The following MAPK15 variants were observed in gnomAD, a reference collection of about 807,000 sequenced individuals.
MAPK15 encodes ERK-7.
Under a neutral mutation model 60.8 loss-of-function variants are expected in MAPK15, and 61 were observed. The ratio of observed to expected loss-of-function variants is 1.00; its 90% confidence interval spans 0.82 to 1.24. MAPK15 has a LOEUF of 1.24. Among genes scored for constraint, MAPK15 ranks in the 50% most tolerant of loss-of-function variants. The pLI, the probability that MAPK15 is intolerant of heterozygous loss-of-function variation, is 0.00. For synonymous variants in MAPK15, 356 were observed against 319.9 expected (o/e 1.11, Z -1.21); for missense variants, 808 against 741.1 (o/e 1.09, Z -1.05).
At chr8:143,716,885 G>A (rs1817832228) in intron 1 of MAPK15, among the ~76,000 whole-genome samples, 1 of 152,116 alleles carries the variant, frequency 6.6e-6, no homozygotes, top group South Asian at 2.1e-4. Flanking sequence ...GAAGGGCAGA[G>A]CCTTGTGTAT....
At position 143,722,103 on chromosome 8, in the gene MAPK15, G is replaced by T. The variant is rs199510165; in HGVS notation, c.1487G>T (p.Arg496Leu). The change falls in exon 14 of 14, where the codon CGG becomes CTG. Residue 496 changes from arginine to leucine, a missense_variant. Coordinates refer to ENST00000338033, the MANE Select transcript of MAPK15 (RefSeq NM_139021.3). ...QVPPRLPPEA[R>L]PGRRMFSTSA... ...CCTCCCCGGCTTCCTCCGGAGGCCC[G>T]GCCCGGCCGGAGGATGTTCAGCACC... 16 of 1,612,194 alleles carry T rather than the reference G, an allele frequency of 9.9e-6. No homozygotes were observed. In the African/African-American group the frequency reaches 2.0e-4, roughly 20 times the overall value.
Position 143,720,374 on chromosome 8 carries a change from T to C in MAPK15, c.779+87T>C, listed in dbSNP as rs568187070. Reference sequence around the variant, plus strand: ...TTCCTGCAAGTTTACTGGGGCCAGTTTGTACCAGTTCAGATTCTGCCTGTT... The same window carrying C: ...TTCCTGCAAGTTTACTGGGGCCAGTCTGTACCAGTTCAGATTCTGCCTGTT... On this transcript the variant is annotated intron_variant, in intron 8 of 13. Coordinates refer to ENST00000338033, the MANE Select transcript of MAPK15 (RefSeq NM_139021.3). This position sits in a 1 kb window ranked among gnomAD's most constrained non-coding sequence, Gnocchi z 4.6. The C allele has an allele frequency of 6.8e-7, 1 of 1,466,882 alleles. No homozygotes were observed. The highest frequency in any genetic ancestry group is 1.4e-5 in the South Asian group (1 of 70,254). 90.9% of individuals were successfully genotyped at this position (1,466,882 alleles called of 1,614,324 possible).
In MAPK15 at chr8:143,721,395, T is replaced by C. The variant is rs542636144; in HGVS notation, c.1188T>C (p.His396=). The C allele has an allele frequency of 1.9e-6, 3 of 1,611,886 alleles. No homozygotes were observed. The highest frequency in any genetic ancestry group is 1.1e-5 in the South Asian group (1 of 90,880). ...PRPRPQSSPG[H]DPAEHESPRA... Reference sequence around the variant, plus strand: ...CCAGGCCCCAGAGCAGCCCAGGCCATGACCCTGCCGAGCACGGTGTGTGAT... The same window carrying C: ...CCAGGCCCCAGAGCAGCCCAGGCCACGACCCTGCCGAGCACGGTGTGTGAT... Residue 396 remains histidine, a synonymous_variant, in exon 11 of 14, where the codon CAT becomes CAC. Coordinates refer to ENST00000338033, the MANE Select transcript of MAPK15 (RefSeq NM_139021.3).
Position 143,721,751 on chromosome 8 carries a change from G to C in MAPK15, c.1330-1G>C, listed in dbSNP as rs375887870. 1 of 1,613,470 alleles carries C rather than the reference G, an allele frequency of 6.2e-7. No individual in the cohort carries two copies. Among genetic ancestry groups the C allele is most frequent in the African/African-American group, 1.3e-5 (1 of 74,912 alleles). The stretch of plus-strand genomic sequence containing the variant: ...TGACCCTGTGACATGGCCCTTCCCA[G>C]GTGAAGCCAAGCGGGAGGGGAGCTG... On this transcript the variant is annotated splice_acceptor_variant, in intron 12 of 13. Transcript: ENST00000338033. LOFTEE classifies it high-confidence loss of function.
intron 1 of MAPK15, among the ~76,000 whole-genome samples, chr8:143,717,225 G>A (rs957494205): frequency 3.9e-5 from 6 of 152,278 alleles, no homozygotes; most frequent in African/African-American, 1.2e-4. Flanking sequence ...GCACGGGAGC[G>A]GCAGACGGAG....
intron 1 of MAPK15, 71 bp downstream of exon 1, chr8:143,716,514 C>T (rs1817816374): frequency 3.5e-6 from 5 of 1,441,936 alleles, no homozygotes; most frequent in Admixed American, 2.3e-5. Flanking sequence ...CTGCGGGGCG[C>T]GGCCGGTCCC....
chr8:143,718,892 A>G lies in MAPK15; in HGVS notation c.404A>G (p.His135Arg). 1.2e-6 allele frequency: 2 copies of G among 1,607,702 alleles called. No homozygotes were observed. Among genetic ancestry groups the G allele is most frequent in the South Asian group, 1.1e-5 (1 of 90,408 alleles). ...TRFLHSGHVV[H>R]RDQKPSNVLL... ...TTCCTCCACTCGGGGCACGTTGTGC[A>G]CCGGGACCAGAAGGTGCGGTTCCCC... is the stretch of plus-strand genomic sequence containing the variant. The change falls in exon 5 of 14, where the codon CAC (histidine) becomes CGC (arginine). Residue 135 changes from histidine to arginine, a missense_variant. His to Arg is a conservative substitution (Grantham distance 29). Transcript: ENST00000338033.
intron 7 of MAPK15, among the ~76,000 whole-genome samples, chr8:143,719,733 G>A (rs72693331): frequency 2.9e-3 from 441 of 152,300 alleles, no homozygotes; most frequent in Non-Finnish European, 4.8e-3. Context: ...ACCGTGAAGG[G>A]GCCAGCAGGC....
intron 1 of MAPK15, among the ~76,000 whole-genome samples, chr8:143,716,770 C>A (rs540919082): frequency 6.6e-6 from 1 of 152,342 alleles, no homozygotes; most frequent in East Asian, 1.9e-4. Context: ...TCTGGGGAGG[C>A]TGGGCCCGCG....
intron 13 of MAPK15, 22 bp downstream of exon 13, chr8:143,721,902 C>G: frequency 6.5e-7 from 1 of 1,549,268 alleles, no homozygotes; most frequent in African/African-American, 1.4e-5. Flanking sequence ...CCAGTCTGCC[C>G]CCGTCCCCTC....
chr8:143,721,941 C>T, intron 13 of MAPK15, 61 bp downstream of exon 13: 1 of 1,521,196 alleles, frequency 6.6e-7, no homozygotes, highest in Non-Finnish European at 8.8e-7. Context: ...CCCTTCCCCC[C>T]TGCTTTTCCC....
chr8:143,722,107 C>T lies in MAPK15; in HGVS notation c.1491C>T (p.Pro497=), dbSNP rs553594616. ...CCCGGCTTCCTCCGGAGGCCCGGCCCGGCCGGAGGATGTTCAGCACCTCTG... is the reference window on the plus strand; with the variant it reads ...CCCGGCTTCCTCCGGAGGCCCGGCCTGGCCGGAGGATGTTCAGCACCTCTG... The part of the protein sequence containing the change: ...VPPRLPPEAR[P]GRRMFSTSAL... Residue 497 remains proline (P), a synonymous_variant, in exon 14 of 14, where the codon CCC becomes CCT. Transcript: ENST00000338033. 3.3e-5 allele frequency: 54 copies of T among 1,612,452 alleles called. 1 individual carries two copies. Among genetic ancestry groups the T allele is most frequent in the South Asian group, 2.6e-4 (24 of 91,036 alleles).
In MAPK15 at chr8:143,717,691, C is replaced by T. The variant is rs1554618622; in HGVS notation, c.67-3C>T. ...GGCCCTGTGTGACGGCACTCCTTCC[C>T]AGGCCTATGGCATTGTGTGGAAGGC... is the stretch of plus-strand genomic sequence containing the variant. On this transcript the variant is annotated splice_region_variant and splice_polypyrimidine_tract_variant and intron_variant, in intron 1 of 13. Transcript: ENST00000338033. The T allele has an allele frequency of 1.2e-6, 2 of 1,601,096 alleles. No homozygotes were observed. Among genetic ancestry groups the T allele is most frequent in the Non-Finnish European group, 1.7e-6 (2 of 1,174,564 alleles).
In MAPK15 at chr8:143,720,595, G is replaced by T. The variant is rs782808145; in HGVS notation, c.780-108G>T. 4 of 1,509,866 alleles carry T rather than the reference G, an allele frequency of 2.6e-6. No homozygotes were observed. In the South Asian group the frequency reaches 5.2e-5, roughly 20 times the overall value. The allele number at this position is 1,509,866 out of a possible 1,614,324, so 93.5% of individuals were successfully genotyped here. On this transcript the variant is annotated intron_variant, in intron 8 of 13. Coordinates refer to ENST00000338033, the MANE Select transcript of MAPK15 (RefSeq NM_139021.3). The surrounding 1 kb of genome is among the most constrained non-coding windows in gnomAD (Gnocchi z 4.6). ...AGGCACAGGGGCATCTACCTAGACA[G>T]GACAGCAGGGTGGACCCCAGTTTGG...
rs782207173 is a variant in MAPK15 at position 143,720,727 on chromosome 8, C to T, written c.804C>T (p.Leu268=). The part of the protein sequence containing the change: ...GSRPRQTLDA[L]LPPDTSPEAL... The stretch of plus-strand genomic sequence containing the variant: ...GGCCACGACAGACGCTGGATGCCCT[C>T]CTACCGCCAGACACCTCCCCAGAGG... The change falls in exon 9 of 14, where the codon CTC becomes CTT. Residue 268 remains leucine, a synonymous_variant. Transcript: ENST00000338033. The surrounding 1 kb of genome is among the most constrained non-coding windows in gnomAD (Gnocchi z 4.6). 1.9e-6 allele frequency: 3 copies of T among 1,612,904 alleles called. No individual in the cohort carries two copies. Among genetic ancestry groups the T allele is most frequent in the East Asian group, 2.2e-5 (1 of 44,834 alleles).
Position 143,719,423 on chromosome 8 carries a change from C to T in MAPK15, c.662C>T (p.Thr221Met), listed in dbSNP as rs60732298. 6.8e-6 allele frequency: 11 copies of T among 1,610,776 alleles called. No homozygotes were observed. The highest frequency in any genetic ancestry group is 3.4e-5 in the Admixed American group (2 of 59,448). The change falls in exon 7 of 14, where the codon ACG becomes ATG. Residue 221 changes from threonine to methionine, a missense_variant. Coordinates refer to ENST00000338033, the MANE Select transcript of MAPK15 (RefSeq NM_139021.3). Reference sequence around the variant, plus strand: ...CGGGGGAGACCCCTGTTCCCCGGCACGTCCACCCTCCACCAGCTGGAGCTG... The same window carrying T: ...CGGGGGAGACCCCTGTTCCCCGGCATGTCCACCCTCCACCAGCTGGAGCTG... ...MLRGRPLFPGTSTLHQLELIL... is the reference protein window; with the variant it reads ...MLRGRPLFPGMSTLHQLELIL...
At position 143,721,686 on chromosome 8, in the gene MAPK15, G is replaced by A; in HGVS notation, c.1329+13G>A. 1.2e-6 allele frequency: 2 copies of A among 1,610,274 alleles called. No homozygotes were observed. Among genetic ancestry groups the A allele is most frequent in the East Asian group, 4.5e-5 (2 of 44,836 alleles). Reference sequence around the variant, plus strand: ...GACACTCTCGCTGGTAAGTCATGGTGGGGCGGGCACAGGAGGGACCCCTCC... The same window carrying A: ...GACACTCTCGCTGGTAAGTCATGGTAGGGCGGGCACAGGAGGGACCCCTCC... On this transcript the variant is annotated intron_variant, in intron 12 of 13. Coordinates refer to ENST00000338033, the MANE Select transcript of MAPK15 (RefSeq NM_139021.3).
Position 143,721,935 on chromosome 8 carries a change from TC to T in MAPK15, c.1458+61del, listed in dbSNP as rs1563753000. On this transcript the variant is annotated intron_variant, in intron 13 of 13. Transcript: ENST00000338033. Reference sequence around the variant, plus strand: ...CTCATCCTCCTTTCCCCTTTCCCCTTCCCCCCTGCTTTTCCCTCCCTTCCCC... The same window carrying T: ...CTCATCCTCCTTTCCCCTTTCCCCTTCCCCCTGCTTTTCCCTCCCTTCCCC... 30 of 1,498,656 alleles carry T rather than the reference TC, an allele frequency of 2.0e-5. No individual in the cohort carries two copies. The South Asian group carries it at 2.9e-4, about 15-fold the overall frequency. 92.8% of individuals were successfully genotyped at this position (1,498,656 alleles called of 1,614,324 possible). A position where few individuals can be genotyped will look rare whatever the true frequency, so the allele number is the denominator to read the frequency against.
Position 143,721,284 on chromosome 8 carries a change from G to A in MAPK15, c.1077G>A (p.Glu359=), listed in dbSNP as rs1554619763. ...GCACCTCGAGAGAGAAGGGCCCGGA[G>A]GGTGTCTCCCCAAGCCAGGCACACC... ...SSGTSREKGP[E]GVSPSQAHLH... is the part of the protein sequence containing the mutation. The change falls in exon 11 of 14, where the codon GAG becomes GAA. Residue 359 remains glutamate, a synonymous_variant. Coordinates refer to ENST00000338033, the MANE Select transcript of MAPK15 (RefSeq NM_139021.3). 2 of 1,613,594 alleles carry A rather than the reference G, an allele frequency of 1.2e-6. No homozygotes were observed. Among genetic ancestry groups the A allele is most frequent in the Non-Finnish European group, 1.7e-6 (2 of 1,179,916 alleles).
Sources: allele counts gnomAD v4.1 joint callset (sites outside exome capture counted in the v4.1 genomes callset), GRCh38; gene constraint gnomAD v4.1.1; non-coding constraint Gnocchi (gnomAD v3.1); transcripts MANE v1.5; gene names NCBI Gene and HGNC (gene_info 2026-07-23, HGNC 2026-07-21).